The following CGGBP1 variants were observed in gnomAD, a reference collection of about 807,000 sequenced individuals.
CGGBP1 encodes the protein CGG triplet repeat-binding protein 1.
CGGBP1 carries 4 observed loss-of-function variants against 11.4 expected under a neutral mutation model. That is an observed-to-expected ratio of 0.35 (90% confidence interval 0.17 to 0.80). CGGBP1 has a LOEUF of 0.80. Among genes scored for constraint, CGGBP1 ranks in the 30% least tolerant of loss-of-function variants. The pLI is 0.52. For synonymous variants in CGGBP1, 76 were observed against 74.1 expected (o/e 1.03, Z -0.13); for missense variants, 135 against 202.1 (o/e 0.67, Z 2.01).
intron 2 of CGGBP1, among the ~76,000 whole-genome samples, chr3:88,109,448 C>T (rs1704957472): frequency 6.6e-6 from 1 of 152,002 alleles, no homozygotes; most frequent in Non-Finnish European, 1.5e-5. Context: ...TAGAGTAGAC[C>T]TAATTTTCCT....
chr3:88,056,073 A>T, intron 3 of CGGBP1, 74 bp from the exon 4 acceptor site: 1 of 1,168,692 alleles, frequency 8.6e-7, no homozygotes, highest in African/African-American at 1.5e-5. Context: ...AATAAAAGGC[A>T]GTATATAAAC....
chr3:88,134,324 A>G (rs1295613663), intron 2 of CGGBP1, among the ~76,000 whole-genome samples: 2 of 152,148 alleles, frequency 1.3e-5, no homozygotes, highest in East Asian at 1.9e-4. Flanking sequence ...TTTAAAAAAT[A>G]TTTTCATTAA....
At chr3:88,136,930 T>C (rs1387583742) in intron 2 of CGGBP1, among the ~76,000 whole-genome samples, 1 of 152,056 alleles carries the variant, frequency 6.6e-6, no homozygotes, top group African/African-American at 2.4e-5. Flanking sequence ...CGCGATGGCT[T>C]ACACCAGTAA....
chr3:88,122,737 C>T lies in CGGBP1; in HGVS notation c.-229+18233G>A, dbSNP rs183410696. ...AAAATACAATATGTATGGCTGGGTA[C>T]GGTGGCTCATACCTGTAATCCCAGC... On this transcript the variant is annotated intron_variant, in intron 2 of 3. Transcript: ENST00000462901. Among the ~76,000 whole-genome samples, 158 of 152,020 alleles carry T rather than the reference C, an allele frequency of 1.0e-3. 1 individual carries two copies. The highest frequency in any genetic ancestry group is 2.7e-3 in the African/African-American group (113 of 41,494).
At chr3:88,147,291 C>G (rs888017185) in intron 1 of CGGBP1, among the ~76,000 whole-genome samples, 5 of 152,082 alleles carry the variant, frequency 3.3e-5, no homozygotes, top group African/African-American at 1.2e-4. Context: ...TGATTTTAAG[C>G]AAGATGATGA....
chr3:88,145,922 A>T (rs1707305122), intron 1 of CGGBP1, among the ~76,000 whole-genome samples: 1 of 152,202 alleles, frequency 6.6e-6, no homozygotes, highest in Non-Finnish European at 1.5e-5. Flanking sequence ...AGGGTGACTG[A>T]AAAATCAGAT....
At chr3:88,116,879 T>C (rs1445665110) in intron 2 of CGGBP1, among the ~76,000 whole-genome samples, 1 of 152,188 alleles carries the variant, frequency 6.6e-6, no homozygotes, top group Non-Finnish European at 1.5e-5. Flanking sequence ...CAGAGACTTA[T>C]TCACCTGCTA....
chr3:88,109,766 A>T (rs566947885), intron 2 of CGGBP1, among the ~76,000 whole-genome samples: 26 of 152,278 alleles, frequency 1.7e-4, no homozygotes, highest in East Asian at 5.8e-4. Context: ...TTGGACTAAA[A>T]TTTTTTTATA....
At chr3:88,086,208 G>T in intron 2 of CGGBP1, 1 of 1,481,454 alleles carries the variant, frequency 6.8e-7, no homozygotes, top group Non-Finnish European at 8.9e-7. Flanking sequence ...TTAAACTCGA[G>T]ATGTTGAGAA....
chr3:88,116,557 T>TACACACACACACACACACAC (rs745598873), intron 2 of CGGBP1, among the ~76,000 whole-genome samples: 2 of 25,502 alleles, frequency 7.8e-5, no homozygotes, highest in African/African-American at 1.9e-4. Context: ...TACATACATA[T>TACACACACACACACACACAC]ATATACACAC....
chr3:88,063,554 A>G (rs1008567873), upstream of CGGBP1, among the ~76,000 whole-genome samples: 3 of 152,210 alleles, frequency 2.0e-5, no homozygotes, highest in African/African-American at 7.2e-5. Context: ...TTATAGCTCT[A>G]TGAATAGTTT....
intron 2 of CGGBP1, among the ~76,000 whole-genome samples, chr3:88,074,564 A>T (rs1707695298): frequency 6.6e-6 from 1 of 150,630 alleles, no homozygotes; most frequent in African/African-American, 2.4e-5. Context: ...CTGGCCTTGA[A>T]CTCCTGACCT....
At chr3:88,096,782 C>T (rs1467662617) in intron 2 of CGGBP1, among the ~76,000 whole-genome samples, 1 of 152,026 alleles carries the variant, frequency 6.6e-6, no homozygotes, top group Non-Finnish European at 1.5e-5. Context: ...CAATGAGATA[C>T]CCTTGCCATT....
chr3:88,074,038 G>T (rs1246577013), intron 2 of CGGBP1, among the ~76,000 whole-genome samples: 1 of 152,190 alleles, frequency 6.6e-6, no homozygotes, highest in Non-Finnish European at 1.5e-5. Context: ...GTTTTAATTT[G>T]AGCTTTGGTA....
intron 2 of CGGBP1, among the ~76,000 whole-genome samples, chr3:88,106,149 A>G (rs1261103153): frequency 6.6e-6 from 1 of 151,968 alleles, no homozygotes; most frequent in East Asian, 1.9e-4. Flanking sequence ...AGTCTCAGGT[A>G]CTCTGTTACA....
At chr3:88,086,769 CTGTT>C (rs1333764042) in intron 2 of CGGBP1, among the ~76,000 whole-genome samples, 1 of 151,978 alleles carries the variant, frequency 6.6e-6, no homozygotes, top group Non-Finnish European at 1.5e-5. Flanking sequence ...TAGGAAAATC[CTGTT>C]TGTTTGTTTT....
At chr3:88,125,998 T>G in intron 2 of CGGBP1, 1 of 934,096 alleles carries the variant, frequency 1.1e-6, no homozygotes, top group African/African-American at 1.7e-5. Context: ...CCTACTTAGG[T>G]TACAATAGTA....
intron 2 of CGGBP1, chr3:88,139,710 A>G: frequency 6.4e-7 from 1 of 1,570,904 alleles, no homozygotes; most frequent in Non-Finnish European, 8.6e-7. Context: ...TGAAAATGGC[A>G]GTCCTAATAA....
At chr3:88,145,434 A>G (rs1283054574) in intron 1 of CGGBP1, among the ~76,000 whole-genome samples, 1 of 152,122 alleles carries the variant, frequency 6.6e-6, no homozygotes, top group African/African-American at 2.4e-5. Flanking sequence ...GATCAGTCTG[A>G]TTTATGGTCA....
Sources: allele counts gnomAD v4.1 joint callset (sites outside exome capture counted in the v4.1 genomes callset), GRCh38; gene constraint gnomAD v4.1.1; transcripts MANE v1.5; gene names NCBI Gene and HGNC (gene_info 2026-07-23, HGNC 2026-07-21).